RBPJ: variants seen among roughly 807,000 people sequenced by gnomAD.
RBPJ encodes the protein recombination signal binding protein for immunoglobulin kappa J region, also known as recombining binding protein suppressor of hairless.
Under a neutral mutation model 67.8 loss-of-function variants are expected in RBPJ, and 9 were observed. That is an observed-to-expected ratio of 0.13 (90% CI 0.08 to 0.23). The LOEUF (loss-of-function observed/expected upper bound fraction) is 0.23, where lower values mean the gene tolerates loss of function less well. Ranked by LOEUF, RBPJ falls within the 10% of genes least tolerant of loss-of-function variation. The pLI, the probability that RBPJ is intolerant of heterozygous loss-of-function variation, is 1.00. For missense variants in RBPJ, 305 were observed against 595.6 expected (o/e 0.51, Z 5.08); for synonymous variants, 198 against 203.3 (o/e 0.97, Z 0.22).
rs1218488368 is a variant in RBPJ at position 26,432,547 on chromosome 4, G to A, written c.*1540G>A. On this transcript the variant is annotated 3_prime_UTR_variant, in exon 11 of 11. Transcript: ENST00000355476. ...TTGGCCTTGCTTGCTAACCCCGCCG[G>A]TTTTACCGTGCTTTCATTCCTGAAC... 1.3e-5 allele frequency: 2 copies of A among 152,106 alleles called. No homozygotes were observed. Among genetic ancestry groups the A allele is most frequent in the Non-Finnish European group, 2.9e-5 (2 of 68,028 alleles). 9.4% of individuals were successfully genotyped at this position (152,106 alleles called of 1,614,324 possible).
the RBPJ span, among the ~76,000 whole-genome samples, chr4:26,125,937 C>G: frequency 6.6e-6 from 1 of 152,176 alleles, no homozygotes; most frequent in Non-Finnish European, 1.5e-5. Flanking sequence ...ATGCTCTCTC[C>G]AGGTGTGCGG....
chr4:26,201,995 G>A (rs1164826008), intron 1 of RBPJ, among the ~76,000 whole-genome samples: 1 of 152,188 alleles, frequency 6.6e-6, no homozygotes, highest in Non-Finnish European at 1.5e-5. Context: ...GAACATGGTT[G>A]ATTTCTCCCT....
chr4:26,389,684 G>C (rs1458743587), intron 2 of RBPJ, among the ~76,000 whole-genome samples: 1 of 151,488 alleles, frequency 6.6e-6, no homozygotes, highest in Admixed American at 6.6e-5. Flanking sequence ...TTAACTTTTT[G>C]CCAATAATAT....
At chr4:26,318,352 T>A (rs1722733085), upstream of RBPJ, among the ~76,000 whole-genome samples, 1 of 152,064 alleles carries the variant, frequency 6.6e-6, no homozygotes, top group Non-Finnish European at 1.5e-5. Flanking sequence ...ATTGAAGAAT[T>A]TACGTAATCA....
At chr4:26,198,758 A>C (rs796907813) in intron 1 of RBPJ, among the ~76,000 whole-genome samples, 1 of 152,196 alleles carries the variant, frequency 6.6e-6, no homozygotes, top group Non-Finnish European at 1.5e-5. Context: ...TTTTAACCAT[A>C]ATACCATCTT....
chr4:26,273,501 C>T (rs564697502), intron 1 of RBPJ, among the ~76,000 whole-genome samples: 4 of 152,302 alleles, frequency 2.6e-5, no homozygotes, highest in African/African-American at 9.6e-5. Context: ...AAGATCTTTC[C>T]AGCTCTAGCT....
At chr4:26,319,644 GT>G (rs1486737633), upstream of RBPJ, 5 of 614,862 alleles carry the variant, frequency 8.1e-6, no homozygotes, top group Non-Finnish European at 1.5e-5. Context: ...CCACGGCCGT[GT>G]TGTGTCTGAG....
At chr4:26,420,760 A>T (rs774064782) in intron 5 of RBPJ, 35 bp downstream of exon 5, 5 of 1,513,946 alleles carry the variant, frequency 3.3e-6, no homozygotes, top group Admixed American at 2.1e-5. Flanking sequence ...CCCAACTGCC[A>T]CCATGAATTA....
intron 1 of RBPJ, among the ~76,000 whole-genome samples, chr4:26,196,160 C>A (rs1031220916): frequency 2.6e-5 from 4 of 152,086 alleles, no homozygotes; most frequent in African/African-American, 7.2e-5. Context: ...TCATAATAGC[C>A]CCAAAGTAGA....
chr4:26,248,749 G>A (rs533258273), intron 1 of RBPJ, among the ~76,000 whole-genome samples: 1 of 152,262 alleles, frequency 6.6e-6, no homozygotes, highest in African/African-American at 2.4e-5. Flanking sequence ...ATGGGAGAGA[G>A]GAGTCAGTAA....
intron 1 of RBPJ, among the ~76,000 whole-genome samples, chr4:26,303,101 A>T (rs1722123435): frequency 1.3e-5 from 2 of 151,676 alleles, no homozygotes; most frequent in Non-Finnish European, 2.9e-5. Context: ...GAAACGCTTG[A>T]ATCTGGGAGG....
At chr4:26,378,462 G>A (rs1729983529) in intron 1 of RBPJ, among the ~76,000 whole-genome samples, 1 of 152,136 alleles carries the variant, frequency 6.6e-6, no homozygotes, top group African/African-American at 2.4e-5. Context: ...CTGGGTAGTG[G>A]GGCTTGTGTT....
chr4:26,430,978 A>G lies in RBPJ; in HGVS notation c.1435A>G (p.Thr479Ala), dbSNP rs1736160341. 1.2e-6 allele frequency: 2 copies of G among 1,614,002 alleles called. No homozygotes were observed. Among genetic ancestry groups the G allele is most frequent in the Non-Finnish European group, 1.7e-6 (2 of 1,179,984 alleles). The change falls in exon 11 of 11, where the codon ACA becomes GCA. Residue 479 changes from threonine to alanine, a missense_variant. Coordinates refer to ENST00000355476, the MANE Select transcript of RBPJ (RefSeq NM_015874.6). The surrounding 1 kb of genome is among the most constrained non-coding windows in gnomAD (Gnocchi z 4.1). ...CGCCAGCACAAATTCAACCAGTGTCACATCATCTACAGCCACAGTGGTATC... is the reference window on the plus strand; with the variant it reads ...CGCCAGCACAAATTCAACCAGTGTCGCATCATCTACAGCCACAGTGGTATC... ...TNASTNSTSV[T>A]SSTATVVS is the part of the protein sequence containing the mutation.
chr4:26,266,175 C>T (rs545582209), intron 1 of RBPJ, among the ~76,000 whole-genome samples: 65 of 152,242 alleles, frequency 4.3e-4, no homozygotes, highest in African/African-American at 1.5e-3. Flanking sequence ...CATCCTATTC[C>T]CTGCAGTGCT....
intron 1 of RBPJ, among the ~76,000 whole-genome samples, chr4:26,293,722 G>A (rs1721753949): frequency 6.6e-6 from 1 of 151,950 alleles, no homozygotes; most frequent in Non-Finnish European, 1.5e-5. Flanking sequence ...AACAATTCAG[G>A]AATGACAAAA....
At chr4:26,175,653 G>A (rs2109122896) in intron 1 of RBPJ, among the ~76,000 whole-genome samples, 1 of 152,256 alleles carries the variant, frequency 6.6e-6, no homozygotes, top group East Asian at 1.9e-4. Context: ...TCCCCATTAG[G>A]GCTCCTTCTG....
At chr4:26,190,102 A>G (rs907845497) in intron 1 of RBPJ, among the ~76,000 whole-genome samples, 1 of 152,260 alleles carries the variant, frequency 6.6e-6, no homozygotes, top group Non-Finnish European at 1.5e-5. Flanking sequence ...CAATACCTGA[A>G]TACAGTAGCT....
chr4:26,420,337 A>G (rs1024480523), intron 4 of RBPJ, among the ~76,000 whole-genome samples: 2 of 152,206 alleles, frequency 1.3e-5, no homozygotes, highest in Non-Finnish European at 2.9e-5. Flanking sequence ...ATAGATGACA[A>G]TGTTTGTGTT....
At chr4:26,343,951 A>G (rs1038604127) in intron 1 of RBPJ, among the ~76,000 whole-genome samples, 2 of 151,650 alleles carry the variant, frequency 1.3e-5, no homozygotes, top group Admixed American at 6.6e-5. Flanking sequence ...GGGTTTCACC[A>G]TGTTGGCCAG....
Sources: gnomAD v4.1 joint callset for allele counts (sites outside exome capture counted in the v4.1 genomes callset) on GRCh38, gnomAD v4.1.1 for gene constraint, Gnocchi (gnomAD v3.1) non-coding constraint, MANE v1.5 for transcripts, NCBI Gene and HGNC (gene_info 2026-07-23, HGNC 2026-07-21) for gene names.